Variants in PTPN9 observed in about 807,000 individuals in gnomAD.
PTPN9 encodes the protein protein tyrosine phosphatase non-receptor type 9, also known as tyrosine-protein phosphatase non-receptor type 9.
PTPN9 carries 26 observed loss-of-function variants against 69.8 expected under a neutral mutation model. The ratio of observed to expected loss-of-function variants is 0.37; its 90% CI spans 0.27 to 0.52. The LOEUF (loss-of-function observed/expected upper bound fraction) is 0.52, where lower values mean the gene tolerates loss of function less well. PTPN9 is among the 20% of genes least tolerant of loss of function. The probability of loss-of-function intolerance (pLI) is 0.91; values close to 1 mark genes in which losing one functional copy is unlikely to be tolerated. For missense variants in PTPN9, 549 were observed against 740.3 expected (o/e 0.74, Z 3.00); for synonymous variants, 274 against 272.5 (o/e 1.01, Z -0.05).
At chr15:75,524,665 C>CT (rs2074919486) in intron 2 of PTPN9, among the ~76,000 whole-genome samples, 1 of 149,118 alleles carries the variant, frequency 6.7e-6, no homozygotes, top group Non-Finnish European at 1.5e-5. Flanking sequence ...ATAATCCCAG[C>CT]TACTCAGGAG....
At chr15:75,541,769 C>T (rs759612140) in intron 1 of PTPN9, among the ~76,000 whole-genome samples, 3 of 149,476 alleles carry the variant, frequency 2.0e-5, no homozygotes, top group Non-Finnish European at 4.5e-5. Context: ...TGCAGTAGTG[C>T]GATCTCAGCT....
chr15:75,513,354 C>G (rs950106296), intron 5 of PTPN9: 1 of 456,012 alleles, frequency 2.2e-6, no homozygotes, highest in Admixed American at 2.3e-5. Flanking sequence ...AGTGAAGAGG[C>G]CTTTGGAGAA....
intron 1 of PTPN9, among the ~76,000 whole-genome samples, chr15:75,575,010 G>GTTTTTTTTTTTTTTT (rs1567533120): frequency 1.3e-4 from 2 of 15,768 alleles, no homozygotes; most frequent in Non-Finnish European, 1.7e-4. Flanking sequence ...TTGAGACAGA[G>GTTTTTTTTTTTTTTT]GAGACGGAGT....
intron 1 of PTPN9, among the ~76,000 whole-genome samples, chr15:75,547,958 G>A (rs188134668): frequency 6.6e-6 from 1 of 152,240 alleles, no homozygotes; most frequent in East Asian, 1.9e-4. Context: ...AAGCCACCAT[G>A]CCTGGCCCCT....
chr15:75,544,262 G>C (rs1232154908), intron 1 of PTPN9, among the ~76,000 whole-genome samples: 2 of 152,150 alleles, frequency 1.3e-5, no homozygotes, highest in Non-Finnish European at 2.9e-5. Flanking sequence ...GGCCAGGCGT[G>C]GGGGCTCACA....
At chr15:75,549,597 C>CA (rs2075048209) in intron 1 of PTPN9, among the ~76,000 whole-genome samples, 1 of 151,898 alleles carries the variant, frequency 6.6e-6, no homozygotes, top group Non-Finnish European at 1.5e-5. Context: ...CAAACACGTA[C>CA]AAAAAACAGA....
intron 1 of PTPN9, among the ~76,000 whole-genome samples, chr15:75,562,275 T>C (rs2075107248): frequency 6.6e-6 from 1 of 152,194 alleles, no homozygotes; most frequent in Non-Finnish European, 1.5e-5. Flanking sequence ...CATACGTAAA[T>C]GTACATTAAA....
intron 4 of PTPN9, among the ~76,000 whole-genome samples, chr15:75,521,736 G>A (rs1237194773): frequency 6.6e-6 from 1 of 152,080 alleles, no homozygotes; most frequent in African/African-American, 2.4e-5. Context: ...AAGAAACTGA[G>A]GATAGGAGAT....
chr15:75,556,557 T>A (rs2075078159), intron 1 of PTPN9, among the ~76,000 whole-genome samples: 1 of 151,816 alleles, frequency 6.6e-6, no homozygotes, highest in Non-Finnish European at 1.5e-5. Flanking sequence ...TTGTATTTTT[T>A]TGTAGAGACA....
At chr15:75,578,586 G>A in intron 1 of PTPN9, 128 bp downstream of exon 1, 2 of 785,352 alleles carry the variant, frequency 2.5e-6, no homozygotes, top group Non-Finnish European at 3.4e-6. Flanking sequence ...AGGGAGGCCC[G>A]CGAGCCGGGC....
At chr15:75,575,872 TTGCGC>T in intron 1 of PTPN9, among the ~76,000 whole-genome samples, 1 of 144,894 alleles carries the variant, frequency 6.9e-6, no homozygotes, top group East Asian at 2.0e-4. Context: ...TGAGCCGAGA[TTGCGC>T]CACTGCACTC....
At chr15:75,565,818 A>G (rs2075124403) in intron 1 of PTPN9, among the ~76,000 whole-genome samples, 1 of 152,218 alleles carries the variant, frequency 6.6e-6, no homozygotes, top group Non-Finnish European at 1.5e-5. Context: ...TGTGTAACCT[A>G]GAAAGAAGAA....
At chr15:75,544,311 TC>T (rs2141331893) in intron 1 of PTPN9, among the ~76,000 whole-genome samples, 1 of 152,188 alleles carries the variant, frequency 6.6e-6, no homozygotes, top group East Asian at 1.9e-4. Flanking sequence ...GGCAGGAGGA[TC>T]GTTTGAGCCC....
chr15:75,527,404 A>C, intron 1 of PTPN9, 143 bp from the exon 2 acceptor site: 1 of 859,644 alleles, frequency 1.2e-6, no homozygotes, highest in Non-Finnish European at 1.7e-6. Flanking sequence ...GACAAACAAA[A>C]AGGTAGAAAC....
intron 7 of PTPN9, among the ~76,000 whole-genome samples, chr15:75,503,557 C>A (rs2074788372): frequency 6.4e-5 from 8 of 124,352 alleles, no homozygotes; most frequent in Non-Finnish European, 1.1e-4. Context: ...GGGGGTCAGC[C>A]CCCCGCCCGG....
At chr15:75,494,131 C>CATATATATATATATATATAT (rs71140166) in intron 7 of PTPN9, among the ~76,000 whole-genome samples, 13 of 143,506 alleles carry the variant, frequency 9.1e-5, no homozygotes, top group African/African-American at 3.0e-4. Flanking sequence ...TTATCAATCC[C>CATATATATATATATATATAT]ATATATATAT....
At chr15:75,521,634 C>T (rs1438122243) in intron 4 of PTPN9, among the ~76,000 whole-genome samples, 1 of 151,826 alleles carries the variant, frequency 6.6e-6, no homozygotes, top group Admixed American at 6.6e-5. Flanking sequence ...TTGCTTAAGT[C>T]CAGGAGTTCA....
At chr15:75,504,278 C>T (rs2074799611) in intron 7 of PTPN9, among the ~76,000 whole-genome samples, 1 of 134,870 alleles carries the variant, frequency 7.4e-6, no homozygotes. Context: ...CCCTGCCCGG[C>T]CAGCCGCCCC....
intron 9 of PTPN9, 56 bp from the exon 10 acceptor site, chr15:75,473,823 T>C (rs2074581672): frequency 1.4e-6 from 2 of 1,393,592 alleles, no homozygotes; most frequent in Admixed American, 3.5e-5. Flanking sequence ...TTTTTTCTTT[T>C]GTAGGCGCTT....
Sources: gnomAD v4.1 joint callset for allele counts (sites outside exome capture counted in the v4.1 genomes callset) on GRCh38, gnomAD v4.1.1 for gene constraint, MANE v1.5 for transcripts, NCBI Gene and HGNC (gene_info 2026-07-23, HGNC 2026-07-21) for gene names.